The following SMC3 variants were observed in gnomAD, a reference collection of about 807,000 sequenced individuals.
SMC3 encodes structural maintenance of chromosomes protein 3.
SMC3 carries 20 observed loss-of-function variants against 171.8 expected under a neutral mutation model. The observed-to-expected ratio is 0.12, with a 90% CI of 0.08 to 0.17. The LOEUF (loss-of-function observed/expected upper bound fraction) is 0.17. Among genes scored for constraint, SMC3 ranks in the 10% least tolerant of loss-of-function variants. The pLI is 1.00. For synonymous variants in SMC3, 464 were observed against 451.1 expected (o/e 1.03, Z -0.36); for missense variants, 543 against 1,420.4 (o/e 0.38, Z 9.93).
At chr10:110,597,834 T>C (rs1590567645) in intron 19 of SMC3, among the ~76,000 whole-genome samples, 2 of 152,226 alleles carry the variant, frequency 1.3e-5, no homozygotes, top group Admixed American at 6.5e-5. Flanking sequence ...TTTAAAAGTA[T>C]GTAATATTGT....
intron 13 of SMC3, among the ~76,000 whole-genome samples, chr10:110,586,789 C>T (rs778336883): frequency 2.1e-4 from 32 of 152,118 alleles, no homozygotes; most frequent in Non-Finnish European, 3.1e-4. Context: ...TCCCATGTAG[C>T]TGAGATTACA....
At chr10:110,597,646 C>T (rs565881682) in intron 19 of SMC3, among the ~76,000 whole-genome samples, 6 of 152,108 alleles carry the variant, frequency 3.9e-5, no homozygotes, top group Non-Finnish European at 5.9e-5. Flanking sequence ...ACACAAAGAG[C>T]GTATGGGGAA....
At position 110,602,617 on chromosome 10, in the gene SMC3, A is replaced by G; in HGVS notation, c.3249A>G (p.Ser1083=). The G allele has an allele frequency of 6.2e-7, 1 of 1,614,140 alleles. No individual in the cohort carries two copies. Among genetic ancestry groups the G allele is most frequent in the Non-Finnish European group, 8.5e-7 (1 of 1,179,996 alleles). The part of the protein sequence containing the change: ...GSGESERGSG[S]QSSVPSVDQF... ...GTGAGAGTGAGAGGGGTTCTGGCTC[A>G]CAAAGCAGTGTCCCATCAGTTGACC... Residue 1083 remains serine (S), a synonymous_variant, in exon 26 of 29, where the codon TCA becomes TCG. Coordinates refer to ENST00000361804, the MANE Select transcript of SMC3 (RefSeq NM_005445.4).
At chr10:110,576,306 T>C (rs1445416729) in intron 4 of SMC3, among the ~76,000 whole-genome samples, 3 of 152,234 alleles carry the variant, frequency 2.0e-5, no homozygotes, top group African/African-American at 7.2e-5. Context: ...CATCGTAAGT[T>C]GGGGACCACC....
chr10:110,567,887 G>A, intron 1 of SMC3, 56 bp downstream of exon 1: 1 of 1,604,672 alleles, frequency 6.2e-7, no homozygotes. Context: ...CGCTCCTTGA[G>A]GCGGGAGTGT....
At chr10:110,601,301 G>T (rs1214191048) in intron 23 of SMC3, among the ~76,000 whole-genome samples, 171 bp downstream of exon 23, 1 of 152,090 alleles carries the variant, frequency 6.6e-6, no homozygotes, top group Non-Finnish European at 1.5e-5. Context: ...AGTAACTTTT[G>T]TTTTACTGAA....
At position 110,596,390 on chromosome 10, in the gene SMC3, G is replaced by GT. The variant is rs1861301391; in HGVS notation, c.1964-5dup. The stretch of plus-strand genomic sequence containing the variant: ...TGTACAGACCTATTACATATGTTTT[G>GT]TTTATAGGTGACCAAGTCAGCCATC... On this transcript the variant is annotated splice_region_variant and splice_polypyrimidine_tract_variant and intron_variant, in intron 18 of 28. Transcript: ENST00000361804. The GT allele has an allele frequency of 6.2e-7, 1 of 1,613,070 alleles. No individual in the cohort carries two copies.
intron 4 of SMC3, among the ~76,000 whole-genome samples, chr10:110,575,847 A>G (rs1860939074): frequency 6.6e-6 from 1 of 152,242 alleles, no homozygotes; most frequent in South Asian, 2.1e-4. Flanking sequence ...CTTAAGAAGC[A>G]GGTTTGCTGA....
intron 17 of SMC3, among the ~76,000 whole-genome samples, chr10:110,592,006 G>A (rs1174559435): frequency 6.6e-6 from 1 of 152,128 alleles, no homozygotes; most frequent in Non-Finnish European, 1.5e-5. Flanking sequence ...GCTCACACCT[G>A]TAATCCCCTC....
At chr10:110,577,283 T>G in intron 4 of SMC3, 138 bp from the exon 5 acceptor site, 1 of 689,260 alleles carries the variant, frequency 1.5e-6, no homozygotes. Context: ...TAGATTAGTG[T>G]GTGTGTGTAT....
intron 13 of SMC3, 109 bp downstream of exon 13, chr10:110,584,505 AAT>A (rs1861078708): frequency 5.4e-6 from 4 of 734,772 alleles, no homozygotes; most frequent in Admixed American, 2.6e-5. Flanking sequence ...TTGCTCTTAA[AAT>A]ATATGACAGA....
chr10:110,594,767 T>A (rs1861270292), intron 18 of SMC3, among the ~76,000 whole-genome samples: 1 of 151,406 alleles, frequency 6.6e-6, no homozygotes, highest in Non-Finnish European at 1.5e-5. Context: ...TTTTGAACCA[T>A]CCAAGAATAA....
chr10:110,600,555 G>GT lies in SMC3; in HGVS notation c.2535+10dup, dbSNP rs751021370. The GT allele has an allele frequency of 6.8e-5, 84 of 1,238,160 alleles. No homozygotes were observed. The highest frequency in any genetic ancestry group is 9.1e-5 in the Non-Finnish European group (77 of 847,394). 76.7% of individuals were successfully genotyped at this position (1,238,160 alleles called of 1,614,324 possible). Reference sequence around the variant, plus strand: ...TGGACCAAGTAGAACAGGTGTGTATGTGTTTTTTTTTTTTTTTTTAAGGGC... The same window carrying GT: ...TGGACCAAGTAGAACAGGTGTGTATGTTGTTTTTTTTTTTTTTTTTAAGGGC... On this transcript the variant is annotated intron_variant, in intron 22 of 28. Coordinates refer to ENST00000361804, the MANE Select transcript of SMC3 (RefSeq NM_005445.4).
chr10:110,592,865 C>G (rs544127449), intron 17 of SMC3, among the ~76,000 whole-genome samples: 20 of 152,270 alleles, frequency 1.3e-4, no homozygotes, highest in African/African-American at 4.8e-4. Flanking sequence ...CTATTAGGCT[C>G]TACTATTGAA....
chr10:110,583,385 A>G lies in SMC3; in HGVS notation c.806A>G (p.Asp269Gly). Residue 269 changes from aspartate to glycine, a missense_variant and splice_region_variant, in exon 11 of 29, where the codon GAT becomes GGT. This residue lies in a region of SMC3 where 146 missense variants were observed against 437.9 expected (regional missense o/e 0.33). Coordinates refer to ENST00000361804, the MANE Select transcript of SMC3 (RefSeq NM_005445.4). ...AQQDARDKMEDIERQVRELKT... is the reference protein window; with the variant it reads ...AQQDARDKMEGIERQVRELKT... Reference sequence around the variant, plus strand: ...TTTCTGTTTAATACTTTTGAATAGGATATCGAACGCCAAGTTAGAGAATTG... The same window carrying G: ...TTTCTGTTTAATACTTTTGAATAGGGTATCGAACGCCAAGTTAGAGAATTG... 2 of 1,612,438 alleles carry G rather than the reference A, an allele frequency of 1.2e-6. No homozygotes were observed. Among genetic ancestry groups the G allele is most frequent in the Non-Finnish European group, 1.7e-6 (2 of 1,179,004 alleles).
intron 18 of SMC3, among the ~76,000 whole-genome samples, chr10:110,595,502 T>G (rs1861286161): frequency 6.6e-6 from 1 of 152,234 alleles, no homozygotes; most frequent in Non-Finnish European, 1.5e-5. Flanking sequence ...GTTGTAAAGG[T>G]ATCCCTTTGC....
intron 7 of SMC3, 27 bp downstream of exon 7, chr10:110,578,733 G>A (rs1485620881): frequency 1.3e-6 from 2 of 1,514,416 alleles, no homozygotes. Flanking sequence ...TCCTTTTTAA[G>A]TAGAATTTGT....
intron 7 of SMC3, 65 bp from the exon 8 acceptor site, chr10:110,580,839 C>T (rs2134723200): frequency 1.1e-6 from 1 of 870,496 alleles, no homozygotes; most frequent in South Asian, 1.3e-5. Flanking sequence ...AACCTTTCAA[C>T]GTGGAGTTCT....
intron 8 of SMC3, among the ~76,000 whole-genome samples, chr10:110,581,482 G>T (rs1861028868): frequency 6.6e-6 from 1 of 152,066 alleles, no homozygotes; most frequent in Admixed American, 6.5e-5. Flanking sequence ...GCCTCTCAAA[G>T]TGCTGGGATT....
Sources: gnomAD v4.1 joint callset for allele counts (sites outside exome capture counted in the v4.1 genomes callset) on GRCh38, gnomAD v4.1.1 for gene constraint, gnomAD v4.1.1 regional missense constraint, MANE v1.5 for transcripts, NCBI Gene and HGNC (gene_info 2026-07-23, HGNC 2026-07-21) for gene names.